The following ABCC4 variants were observed in gnomAD, a reference collection of about 807,000 sequenced individuals.
The protein encoded by ABCC4 is ATP-binding cassette sub-family C member 4.
A neutral mutation model predicts 168.5 loss-of-function variants in ABCC4; 102 were observed. That is an observed-to-expected ratio of 0.61 (90% CI 0.52 to 0.71). The LOEUF (loss-of-function observed/expected upper bound fraction) is 0.71. Ranked by LOEUF, ABCC4 falls within the 30% of genes least tolerant of loss-of-function variation. The probability of loss-of-function intolerance (pLI) is 0.00; values close to 1 mark genes in which losing one functional copy is unlikely to be tolerated. For missense variants in ABCC4, 1,402 were observed against 1,605.8 expected (o/e 0.87, Z 2.17); for synonymous variants, 617 against 590.7 (o/e 1.04, Z -0.65).
At chr13:95,280,391 T>A in intron 1 of ABCC4, among the ~76,000 whole-genome samples, 1 of 132,830 alleles carries the variant, frequency 7.5e-6, no homozygotes, top group African/African-American at 2.9e-5. Context: ...CACTCCAGCC[T>A]GGGTGACAGA....
At chr13:95,253,606 G>T (rs546299701) in intron 1 of ABCC4, among the ~76,000 whole-genome samples, 1 of 151,874 alleles carries the variant, frequency 6.6e-6, no homozygotes, top group African/African-American at 2.4e-5. Flanking sequence ...TTAGCCGGGC[G>T]TGGTGGAGGA....
At chr13:95,203,144 G>A (rs57550224) in intron 8 of ABCC4, among the ~76,000 whole-genome samples, 3 of 152,288 alleles carry the variant, frequency 2.0e-5, no homozygotes, top group East Asian at 1.9e-4. Context: ...GCCCCTCCTT[G>A]TTACCTAGTG....
intron 3 of ABCC4, among the ~76,000 whole-genome samples, chr13:95,238,380 T>C (rs868751001): frequency 1.3e-5 from 2 of 151,974 alleles, no homozygotes; most frequent in South Asian, 4.2e-4. Flanking sequence ...CCCAGGAGAC[T>C]TACACGCTCA....
chr13:95,024,052 C>G (rs1221875217), intron 30 of ABCC4, among the ~76,000 whole-genome samples: 1 of 151,724 alleles, frequency 6.6e-6, no homozygotes, highest in Non-Finnish European at 1.5e-5. Context: ...ACGAAAAATA[C>G]AAAAATTAGC....
intron 1 of ABCC4, among the ~76,000 whole-genome samples, chr13:95,286,891 G>A (rs955268977): frequency 6.6e-6 from 1 of 150,812 alleles, no homozygotes; most frequent in Non-Finnish European, 1.5e-5. Context: ...CCGAGGCAGA[G>A]GTTGCAGTGA....
chr13:95,031,505 A>G (rs1249928513), intron 30 of ABCC4, among the ~76,000 whole-genome samples: 1 of 152,232 alleles, frequency 6.6e-6, no homozygotes, highest in Non-Finnish European at 1.5e-5. Context: ...TCAATACAGT[A>G]AGACTTACAG....
intron 1 of ABCC4, among the ~76,000 whole-genome samples, chr13:95,293,980 T>C (rs1485848501): frequency 6.6e-6 from 1 of 151,958 alleles, no homozygotes; most frequent in Non-Finnish European, 1.5e-5. Flanking sequence ...TGCAAATCCA[T>C]TACAATAAAG....
intron 19 of ABCC4, among the ~76,000 whole-genome samples, chr13:95,151,602 G>GAGAAGGAGA (rs1566468055): frequency 3.6e-5 from 3 of 83,334 alleles, no homozygotes; most frequent in Non-Finnish European, 7.1e-5. Flanking sequence ...GAAGGAGGAG[G>GAGAAGGAGA]AGAAGGAGAA....
intron 20 of ABCC4, among the ~76,000 whole-genome samples, chr13:95,086,383 C>A (rs1480861610): frequency 6.6e-6 from 1 of 151,958 alleles, no homozygotes; most frequent in Non-Finnish European, 1.5e-5. Context: ...CCTCAGGACA[C>A]AAAATGAAGG....
At chr13:95,267,873 AG>A (rs981564065) in intron 1 of ABCC4, among the ~76,000 whole-genome samples, 4 of 152,158 alleles carry the variant, frequency 2.6e-5, no homozygotes, top group African/African-American at 9.7e-5. Context: ...CCTCCAGGGC[AG>A]GGGGTACTGG....
At chr13:95,181,544 T>C (rs1476596001) in intron 11 of ABCC4, among the ~76,000 whole-genome samples, 3 of 152,244 alleles carry the variant, frequency 2.0e-5, no homozygotes, top group African/African-American at 7.2e-5. Flanking sequence ...CCTGCCATAT[T>C]CTGCCTCTTA....
intron 1 of ABCC4, among the ~76,000 whole-genome samples, chr13:95,255,280 A>T (rs146334333): frequency 2.4e-4 from 36 of 152,334 alleles, no homozygotes; most frequent in Middle Eastern, 6.8e-3. Flanking sequence ...CCTAAAAGAA[A>T]ACAAAATCCT....
intron 30 of ABCC4, among the ~76,000 whole-genome samples, chr13:95,025,177 ACC>A (rs2031347041): frequency 7.4e-6 from 1 of 134,822 alleles, no homozygotes; most frequent in African/African-American, 3.0e-5. Context: ...ACACACACAC[ACC>A]CACACACACC....
At chr13:95,060,489 T>G (rs1056877711) in intron 26 of ABCC4, among the ~76,000 whole-genome samples, 2 of 152,214 alleles carry the variant, frequency 1.3e-5, no homozygotes, top group Non-Finnish European at 2.9e-5. Context: ...CTAGAACCTT[T>G]CATCCAAGGA....
intron 26 of ABCC4, among the ~76,000 whole-genome samples, chr13:95,058,947 T>A (rs2033179693): frequency 6.6e-6 from 1 of 152,234 alleles, no homozygotes; most frequent in Non-Finnish European, 1.5e-5. Flanking sequence ...AAATCACTTT[T>A]GTGACTCATG....
In ABCC4 at chr13:95,098,233, G is replaced by T. The variant is rs2034678216; in HGVS notation, c.2536-14943C>A. ...ATTGGATGCAGCTAAGCAATACTTA[G>T]AGGAAGTATAACTTTAAATGCATAT... is the stretch of plus-strand genomic sequence containing the variant. On this transcript the variant is annotated intron_variant, in intron 20 of 30. Coordinates refer to ENST00000645237, the MANE Select transcript of ABCC4 (RefSeq NM_005845.5). 2.0e-5 allele frequency among the ~76,000 whole-genome samples: 3 copies of T among 151,078 alleles called. No individual in the cohort carries two copies. In the East Asian group the frequency reaches 5.8e-4, roughly 29 times the overall value.
chr13:95,119,725 C>G (rs1012831127), intron 19 of ABCC4, among the ~76,000 whole-genome samples: 1 of 152,098 alleles, frequency 6.6e-6, no homozygotes, highest in African/African-American at 2.4e-5. Context: ...ACTGTGAGCC[C>G]CATTCTTTTT....
intron 4 of ABCC4, among the ~76,000 whole-genome samples, chr13:95,211,058 A>C (rs1238986395): frequency 1.3e-5 from 2 of 152,224 alleles, no homozygotes; most frequent in African/African-American, 4.8e-5. Context: ...ATAAGTTTCT[A>C]CTTAAGAGCC....
At chr13:95,277,306 C>T (rs2040995724) in intron 1 of ABCC4, among the ~76,000 whole-genome samples, 1 of 152,014 alleles carries the variant, frequency 6.6e-6, no homozygotes, top group Non-Finnish European at 1.5e-5. Context: ...GAAGGCCAGG[C>T]ACAGTGGCTC....
Sources: allele counts gnomAD v4.1 joint callset (sites outside exome capture counted in the v4.1 genomes callset), GRCh38; gene constraint gnomAD v4.1.1; transcripts MANE v1.5; gene names NCBI Gene and HGNC (gene_info 2026-07-23, HGNC 2026-07-21).